Variants in SLC39A8 observed in about 807,000 individuals in gnomAD.
SLC39A8 encodes the protein solute carrier family 39 member 8, also known as metal cation symporter ZIP8.
A neutral mutation model predicts 40.4 loss-of-function variants in SLC39A8; 15 were observed. The ratio of observed to expected loss-of-function variants is 0.37; its 90% CI spans 0.25 to 0.57. SLC39A8 has a LOEUF of 0.57. Among genes scored for constraint, SLC39A8 ranks in the 20% least tolerant of loss-of-function variants. The pLI is 0.75. For missense variants in SLC39A8, 472 were observed against 558.8 expected, an observed-to-expected ratio of 0.84 and a Z score of 1.57; for synonymous variants, 223 against 221.6, an observed-to-expected ratio of 1.01 and a Z score of -0.06.
chr4:102,280,477 T>C (rs1460936175), intron 6 of SLC39A8, among the ~76,000 whole-genome samples: 2 of 152,198 alleles, frequency 1.3e-5, no homozygotes, highest in African/African-American at 4.8e-5. Context: ...TAGACATGAA[T>C]ATATTAAAAA....
intron 6 of SLC39A8, among the ~76,000 whole-genome samples, chr4:102,277,293 T>A (rs1054815748): frequency 2.6e-4 from 39 of 152,180 alleles, no homozygotes; most frequent in Admixed American, 6.5e-5. Context: ...CAGCAAAGTC[T>A]CAAGATATAA....
intron 5 of SLC39A8, 130 bp from the exon 6 acceptor site, chr4:102,304,611 T>C (rs868585114): frequency 2.1e-5 from 14 of 674,384 alleles, no homozygotes; most frequent in African/African-American, 1.1e-4. Context: ...TAAAGAAGTA[T>C]TTTTAGATAT....
At chr4:102,324,669 C>T (rs958873020) in intron 2 of SLC39A8, among the ~76,000 whole-genome samples, 2 of 152,154 alleles carry the variant, frequency 1.3e-5, no homozygotes, top group Admixed American at 6.5e-5. Context: ...TATTAGTAAT[C>T]ATCTTAATAA....
In SLC39A8 at chr4:102,331,746, C is replaced by CTTGAAGTCAG. The variant is rs1440143113; in HGVS notation, c.219+12697_219+12698insCTGACTTCAA. On this transcript the variant is annotated intron_variant, in intron 2 of 8. Transcript: ENST00000356736. The stretch of plus-strand genomic sequence containing the variant: ...AAAAAGAACAAAGCTGGAGGCATCA[C>CTTGAAGTCAG]GCTACCTGACTTCAAACTATAGTAC... 4.5e-4 allele frequency among the ~76,000 whole-genome samples: 68 copies of CTTGAAGTCAG among 152,210 alleles called. 1 individual carries two copies. Among genetic ancestry groups the CTTGAAGTCAG allele is most frequent in the African/African-American group, 1.6e-3 (66 of 41,520 alleles).
At chr4:102,323,161 T>C (rs1032846477) in intron 2 of SLC39A8, among the ~76,000 whole-genome samples, 9 of 152,212 alleles carry the variant, frequency 5.9e-5, no homozygotes, top group Non-Finnish European at 2.9e-5. Context: ...AATCCACCTA[T>C]AATCTTCATC....
At chr4:102,270,993 G>T (rs544758794) in intron 6 of SLC39A8, among the ~76,000 whole-genome samples, 2 of 152,138 alleles carry the variant, frequency 1.3e-5, no homozygotes, top group South Asian at 4.1e-4. Context: ...AGGCCTGGGG[G>T]AATAGGGAGC....
intron 3 of SLC39A8, among the ~76,000 whole-genome samples, chr4:102,314,590 A>C (rs1267511508): frequency 6.6e-6 from 1 of 151,828 alleles, no homozygotes. Context: ...GCTGCTCCTC[A>C]CTCATGCCAA....
At chr4:102,251,128 T>C (rs1455697487) in exon 12 of SLC39A8, 1 of 152,240 alleles carries the variant, frequency 6.6e-6, no homozygotes, top group Admixed American at 6.5e-5. Flanking sequence ...AATGTATGTA[T>C]ATGTGATGCA....
At chr4:102,303,563 T>G (rs1276610111) in intron 6 of SLC39A8, among the ~76,000 whole-genome samples, 1 of 151,898 alleles carries the variant, frequency 6.6e-6, no homozygotes, top group Non-Finnish European at 1.5e-5. Flanking sequence ...AAAAGAATGA[T>G]ACTAAGAGAC....
rs150525490 is a variant in SLC39A8, at chr4:102,292,354, A to C, written c.840+11963T>G. Among the ~76,000 whole-genome samples, 38 of 152,226 alleles carry C rather than the reference A, an allele frequency of 2.5e-4. No homozygotes were observed. The East Asian group carries it at 3.7e-3, about 15-fold the overall frequency. On this transcript the variant is annotated intron_variant, in intron 6 of 8. Transcript: ENST00000356736. ...GTCAATTTAATTAATTAACTTCTAA[A>C]AATTCAATCCAACTGCCTTTATAGC...
intron 2 of SLC39A8, among the ~76,000 whole-genome samples, chr4:102,334,190 G>A (rs551076467): frequency 6.6e-6 from 1 of 152,252 alleles, no homozygotes; most frequent in South Asian, 2.1e-4. Context: ...GAAACACAAA[G>A]ATCATGGAAT....
intron 2 of SLC39A8, among the ~76,000 whole-genome samples, chr4:102,321,541 C>T (rs909018877): frequency 2.6e-5 from 4 of 152,138 alleles, no homozygotes; most frequent in Middle Eastern, 3.4e-3. Context: ...TTTTCCTTTT[C>T]GCCCAATAAA....
At chr4:102,259,975 A>G (rs898451156), downstream of SLC39A8, among the ~76,000 whole-genome samples, 1 of 152,196 alleles carries the variant, frequency 6.6e-6, no homozygotes. Context: ...CCTGTGAAAA[A>G]CATAGGATTT....
chr4:102,299,347 A>G (rs1379793456), intron 6 of SLC39A8, among the ~76,000 whole-genome samples: 1 of 151,074 alleles, frequency 6.6e-6, no homozygotes, highest in African/African-American at 2.4e-5. Context: ...CAAAATGTGT[A>G]ATATTTCAGT....
At chr4:102,342,640 T>C (rs1392217942) in intron 2 of SLC39A8, among the ~76,000 whole-genome samples, 2 of 152,180 alleles carry the variant, frequency 1.3e-5, no homozygotes, top group Admixed American at 1.3e-4. Flanking sequence ...ATGAGGGCAG[T>C]TAAATATGCA....
At chr4:102,303,362 A>C (rs1230711080) in intron 6 of SLC39A8, among the ~76,000 whole-genome samples, 1 of 151,928 alleles carries the variant, frequency 6.6e-6, no homozygotes, top group Non-Finnish European at 1.5e-5. Flanking sequence ...CCAGCCCTCT[A>C]AGCACTTAGA....
intron 6 of SLC39A8, among the ~76,000 whole-genome samples, chr4:102,289,430 G>A (rs1733325379): frequency 6.6e-6 from 1 of 152,218 alleles, no homozygotes; most frequent in African/African-American, 2.4e-5. Context: ...TGAAGTCCAT[G>A]GGTCAAGGAG....
rs191042675 is a variant in SLC39A8 at position 102,268,939 on chromosome 4, T to C, written c.841-860A>G. Reference sequence around the variant, plus strand: ...AAAAGATAAAATGCAAATTCATTTTTAAGTACAAAAGCACTTTGCAATTAA... The same window carrying C: ...AAAAGATAAAATGCAAATTCATTTTCAAGTACAAAAGCACTTTGCAATTAA... On this transcript the variant is annotated intron_variant, in intron 6 of 8. Coordinates refer to ENST00000356736, the MANE Select transcript of SLC39A8 (RefSeq NM_001135146.2). Among the ~76,000 whole-genome samples, 451 of 152,332 alleles carry C rather than the reference T, an allele frequency of 3.0e-3. 4 individuals carry two copies. The highest frequency in any genetic ancestry group is 0.01 in the African/African-American group (433 of 41,584).
chr4:102,297,616 G>A (rs1733734391), intron 6 of SLC39A8, among the ~76,000 whole-genome samples: 1 of 151,868 alleles, frequency 6.6e-6, no homozygotes, highest in Admixed American at 6.6e-5. Context: ...GAGAGATTCA[G>A]GAAAGATAAA....
Sources: gnomAD v4.1 joint callset for allele counts (sites outside exome capture counted in the v4.1 genomes callset) on GRCh38, gnomAD v4.1.1 for gene constraint, MANE v1.5 for transcripts, NCBI Gene and HGNC (gene_info 2026-07-23, HGNC 2026-07-21) for gene names.